The following CARMIL1 variants were observed in gnomAD, a reference collection of about 807,000 sequenced individuals.
CARMIL1 encodes F-actin-uncapping protein LRRC16A.
A neutral mutation model predicts 177.1 loss-of-function variants in CARMIL1; 90 were observed. The observed-to-expected ratio is 0.51, with a 90% CI of 0.43 to 0.61. CARMIL1 has a LOEUF of 0.61. CARMIL1 is among the 20% of genes least tolerant of loss of function. CARMIL1 has a pLI of 0.00. For missense variants in CARMIL1, 1,380 were observed against 1,667.0 expected, an observed-to-expected ratio of 0.83 and a Z score of 3.00; for synonymous variants, 577 against 606.2, an observed-to-expected ratio of 0.95 and a Z score of 0.71.
intron 33 of CARMIL1, among the ~76,000 whole-genome samples, chr6:25,604,362 G>C (rs1468822625): frequency 6.6e-6 from 1 of 152,134 alleles, no homozygotes; most frequent in African/African-American, 2.4e-5. Flanking sequence ...TAGATTACAG[G>C]CATGAGCCAC....
Position 25,515,637 on chromosome 6 carries a change from A to G in CARMIL1, c.1633-38A>G, listed in dbSNP as rs762700127. 1.5e-5 allele frequency: 24 copies of G among 1,559,034 alleles called. No individual in the cohort carries two copies. The highest frequency in any genetic ancestry group is 2.1e-5 in the Non-Finnish European group (24 of 1,150,436). On this transcript the variant is annotated intron_variant, in intron 20 of 36. Coordinates refer to ENST00000329474, the MANE Select transcript of CARMIL1 (RefSeq NM_017640.6). The surrounding 1 kb of genome is among the most constrained non-coding windows in gnomAD (Gnocchi z 5.0). ...GTCGTGGAGAGTGGGTGCTGCTTTG[A>G]TGAGACTGCTGAGTGCCGTGTGTCA...
intron 2 of CARMIL1, among the ~76,000 whole-genome samples, chr6:25,286,985 G>A (rs549188475): frequency 4.8e-4 from 73 of 152,302 alleles, no homozygotes; most frequent in Non-Finnish European, 9.0e-4. Flanking sequence ...AATCTAAGCA[G>A]TTTCTAGAAG....
rs769566714 is a variant in CARMIL1, at chr6:25,362,706, C to T, written c.139-57408C>T. On this transcript the variant is annotated intron_variant, in intron 2 of 36. Transcript: ENST00000329474. ...AAAACAAAACAAAAAAACCACTACACGAGCTGTAGAAAAGCCCATTTGTTT... is the reference window on the plus strand; with the variant it reads ...AAAACAAAACAAAAAAACCACTACATGAGCTGTAGAAAAGCCCATTTGTTT... Among the ~76,000 whole-genome samples the T allele has an allele frequency of 4.6e-5, 7 of 152,126 alleles. No homozygotes were observed. In the South Asian group the frequency reaches 6.2e-4, roughly 14 times the overall value.
chr6:25,423,501 G>A (rs1362811168), intron 3 of CARMIL1, among the ~76,000 whole-genome samples: 2 of 152,218 alleles, frequency 1.3e-5, no homozygotes, highest in East Asian at 3.9e-4. Flanking sequence ...GAAGACCACA[G>A]TGCATTTGGG....
intron 2 of CARMIL1, among the ~76,000 whole-genome samples, chr6:25,347,177 C>T (rs147093619): frequency 0.024 from 3,628 of 152,230 alleles, 66 homozygotes; most frequent in South Asian, 0.049. Flanking sequence ...GCATTCCATG[C>T]CAAAGCTTTT....
intron 2 of CARMIL1, among the ~76,000 whole-genome samples, chr6:25,400,798 A>G (rs1793821973): frequency 6.6e-6 from 1 of 152,086 alleles, no homozygotes; most frequent in African/African-American, 2.4e-5. Context: ...CACTTCAAAA[A>G]CCAATTGTTC....
chr6:25,330,420 A>C (rs935413861), intron 2 of CARMIL1, among the ~76,000 whole-genome samples: 1 of 152,210 alleles, frequency 6.6e-6, no homozygotes, highest in Non-Finnish European at 1.5e-5. Context: ...GAGCCAGGGA[A>C]GAAGGGGAGA....
intron 22 of CARMIL1, among the ~76,000 whole-genome samples, chr6:25,517,837 A>G (rs1806163153): frequency 6.6e-6 from 1 of 152,228 alleles, no homozygotes; most frequent in Non-Finnish European, 1.5e-5. Context: ...GGTGAAATTG[A>G]TAAATGGTAA....
chr6:25,503,886 G>T (rs1265861198), intron 17 of CARMIL1, among the ~76,000 whole-genome samples: 12 of 152,220 alleles, frequency 7.9e-5, no homozygotes, highest in Admixed American at 3.9e-4. Flanking sequence ...TGGCTGGCAG[G>T]TGTTGATCAT....
intron 2 of CARMIL1, among the ~76,000 whole-genome samples, chr6:25,357,389 CT>C (rs1409590588): frequency 6.6e-6 from 1 of 152,116 alleles, no homozygotes; most frequent in African/African-American, 2.4e-5. Context: ...CGAGACCACC[CT>C]GGCCAACATG....
intron 2 of CARMIL1, among the ~76,000 whole-genome samples, chr6:25,397,005 C>T (rs1793458514): frequency 6.6e-6 from 1 of 152,088 alleles, no homozygotes; most frequent in South Asian, 2.1e-4. Context: ...TTTTCATGTA[C>T]AACCTAGCTC....
At chr6:25,435,345 C>T (rs1029167845) in intron 4 of CARMIL1, 138 bp from the exon 5 acceptor site, 21 of 953,946 alleles carry the variant, frequency 2.2e-5, no homozygotes, top group South Asian at 4.8e-5. Context: ...GTGCTACCCT[C>T]GAACCTTGTT....
At chr6:25,568,784 T>TA (rs920713946) in intron 29 of CARMIL1, among the ~76,000 whole-genome samples, 29 of 152,196 alleles carry the variant, frequency 1.9e-4, no homozygotes, top group African/African-American at 6.0e-4. Context: ...TCCCTCTAGG[T>TA]AACTGAATGA....
intron 2 of CARMIL1, among the ~76,000 whole-genome samples, chr6:25,310,665 A>G (rs979953464): frequency 2.0e-5 from 3 of 152,198 alleles, no homozygotes; most frequent in African/African-American, 7.2e-5. Context: ...GGAGCTTTAA[A>G]TATGGTTCCA....
At chr6:25,384,110 A>G (rs560864217) in intron 2 of CARMIL1, among the ~76,000 whole-genome samples, 4 of 152,330 alleles carry the variant, frequency 2.6e-5, no homozygotes, top group Non-Finnish European at 5.9e-5. Flanking sequence ...AAGTGCTGGG[A>G]TTACAGGCGT....
chr6:25,472,468 C>G lies in CARMIL1; in HGVS notation c.821C>G (p.Pro274Arg), dbSNP rs1336731911. ...CTGGCCAGTGCTCTAGCACATAATC[C>G]CAACTCAGGACTCCACACAATTAAC... is the stretch of plus-strand genomic sequence containing the variant. ...QKLASALAHNPNSGLHTINLA... is the reference protein window; with the variant it reads ...QKLASALAHNRNSGLHTINLA... Residue 274 changes from proline (P) to arginine (R), a missense_variant, in exon 11 of 37, where the codon CCC (proline) becomes CGC (arginine). Pro to Arg is a moderately radical substitution (Grantham distance 103). Coordinates refer to ENST00000329474, the MANE Select transcript of CARMIL1 (RefSeq NM_017640.6). The G allele has an allele frequency of 6.3e-7, 1 of 1,583,574 alleles. No homozygotes were observed. The highest frequency in any genetic ancestry group is 2.3e-5 in the East Asian group (1 of 43,626).
At chr6:25,386,121 C>T (rs115366593) in intron 2 of CARMIL1, among the ~76,000 whole-genome samples, 1,767 of 152,084 alleles carry the variant, frequency 0.012, 26 homozygotes, top group African/African-American at 0.038. Context: ...GGCAAATAGC[C>T]CAAGAATTAA....
rs578057314 is a variant in CARMIL1, at chr6:25,286,550, A to C, written c.138+1641A>C. Among the ~76,000 whole-genome samples, 4 of 152,360 alleles carry C rather than the reference A, an allele frequency of 2.6e-5. No individual in the cohort carries two copies. In the East Asian group the frequency reaches 7.7e-4, roughly 29 times the overall value. ...TATGTTTTTCTTGATGTTGTTCAAC[A>C]ATGATTGTGCTATTTTTTGGAAGTG... On this transcript the variant is annotated intron_variant, in intron 2 of 36. Coordinates refer to ENST00000329474, the MANE Select transcript of CARMIL1 (RefSeq NM_017640.6).
chr6:25,459,210 T>TTTTCTTACTTTCTTTCTTTC (rs1799795844), intron 8 of CARMIL1, among the ~76,000 whole-genome samples: 3 of 80,136 alleles, frequency 3.7e-5, no homozygotes, highest in Non-Finnish European at 7.5e-5. Flanking sequence ...GATCCCAACT[T>TTTTCTTACTTTCTTTCTTTC]TTTCTTTCTT....
Sources: gnomAD v4.1 joint callset for allele counts (sites outside exome capture counted in the v4.1 genomes callset) on GRCh38, gnomAD v4.1.1 for gene constraint, Gnocchi (gnomAD v3.1) non-coding constraint, MANE v1.5 for transcripts, NCBI Gene and HGNC (gene_info 2026-07-23, HGNC 2026-07-21) for gene names.